Variants in SLC25A12 observed in about 807,000 individuals in gnomAD.
SLC25A12 encodes solute carrier family 25 member 12, also known as electrogenic aspartate/glutamate antiporter SLC25A12, mitochondrial.
In SLC25A12, 32 loss-of-function variants were observed where a neutral mutation model predicts 83.3. The observed-to-expected ratio is 0.38, with a 90% CI of 0.29 to 0.52. The LOEUF (loss-of-function observed/expected upper bound fraction) is 0.52, where lower values mean the gene tolerates loss of function less well. Ranked by LOEUF, SLC25A12 falls within the 20% of genes least tolerant of loss-of-function variation. The probability of loss-of-function intolerance (pLI) is 0.84; values close to 1 mark genes in which losing one functional copy is unlikely to be tolerated. For synonymous variants in SLC25A12, 267 were observed against 291.1 expected, an observed-to-expected ratio of 0.92 and a Z score of 0.84; for missense variants, 611 against 835.6, an observed-to-expected ratio of 0.73 and a Z score of 3.31.
intron 2 of SLC25A12, among the ~76,000 whole-genome samples, chr2:171,890,532 A>G (rs1279399751): frequency 6.6e-6 from 1 of 151,774 alleles, no homozygotes; most frequent in Non-Finnish European, 1.5e-5. Flanking sequence ...GCCAGGCTGG[A>G]GTGCAGTGGT....
intron 13 of SLC25A12, among the ~76,000 whole-genome samples, chr2:171,803,978 A>T (rs1037255326): frequency 1.3e-5 from 2 of 152,084 alleles, no homozygotes; most frequent in Non-Finnish European, 2.9e-5. Flanking sequence ...CACCAATTCC[A>T]CTCATACGTA....
At chr2:171,785,709 A>G (rs539318879) in intron 17 of SLC25A12, among the ~76,000 whole-genome samples, 1 of 152,296 alleles carries the variant, frequency 6.6e-6, no homozygotes, top group African/African-American at 2.4e-5. Context: ...CAATGCTTGC[A>G]TACATATATA....
chr2:171,791,424 T>C, intron 15 of SLC25A12, 27 bp downstream of exon 15: 1 of 1,598,594 alleles, frequency 6.3e-7, no homozygotes, highest in Non-Finnish European at 8.6e-7. Context: ...GGAGAATTCT[T>C]TCAGTTAAAA....
At chr2:171,839,891 C>A (rs904227674) in intron 5 of SLC25A12, among the ~76,000 whole-genome samples, 4 of 152,100 alleles carry the variant, frequency 2.6e-5, no homozygotes, top group African/African-American at 9.7e-5. Context: ...CAGTTAGTTA[C>A]CCCTGCCTTA....
chr2:171,834,393 C>T, intron 7 of SLC25A12: 1 of 427,256 alleles, frequency 2.3e-6, no homozygotes, highest in African/African-American at 2.0e-5. Flanking sequence ...TCATTCAAAA[C>T]ATCCTAATAC....
rs535950753 is a variant in SLC25A12 at position 171,884,793 on chromosome 2, G to C, written c.66+8412C>G. Among the ~76,000 whole-genome samples the C allele has an allele frequency of 2.7e-5, 4 of 150,860 alleles. No individual in the cohort carries two copies. The East Asian group carries it at 7.9e-4, about 30-fold the overall frequency. ...TCTGTCCCCCACCAAAAAAAAAAAA[G>C]AATGTGAGGTTCTACCTTCACTGAG... is the stretch of plus-strand genomic sequence containing the variant. On this transcript the variant is annotated intron_variant, in intron 2 of 17. Transcript: ENST00000422440.
chr2:171,875,094 G>C (rs983302820), intron 2 of SLC25A12, among the ~76,000 whole-genome samples: 2 of 152,188 alleles, frequency 1.3e-5, no homozygotes, highest in African/African-American at 4.8e-5. Flanking sequence ...CAACCAATCA[G>C]ATGTTTGTAC....
chr2:171,848,415 AG>A (rs1684844684), intron 4 of SLC25A12: 1 of 381,418 alleles, frequency 2.6e-6, no homozygotes, highest in South Asian at 1.9e-5. Flanking sequence ...TCTTATTGTC[AG>A]GGGGAAAAGT....
chr2:171,893,020 G>A (rs904553826), intron 2 of SLC25A12, among the ~76,000 whole-genome samples, 185 bp downstream of exon 2: 2 of 151,030 alleles, frequency 1.3e-5, no homozygotes, highest in African/African-American at 2.4e-5. Flanking sequence ...ACCTTTTATC[G>A]ACCCTTAATT....
intron 11 of SLC25A12, 59 bp from the exon 12 acceptor site, chr2:171,810,335 C>T: frequency 7.4e-7 from 1 of 1,349,100 alleles, no homozygotes; most frequent in Non-Finnish European, 1.1e-6. Flanking sequence ...ATACACAAGC[C>T]CAGCAACAAA....
At chr2:171,884,980 G>A (rs923064783) in intron 2 of SLC25A12, among the ~76,000 whole-genome samples, 5 of 152,106 alleles carry the variant, frequency 3.3e-5, no homozygotes, top group Admixed American at 2.0e-4. Flanking sequence ...TTGGGAGGCC[G>A]AGGAGGGTGG....
chr2:171,813,603 G>T, intron 10 of SLC25A12, 106 bp from the exon 11 acceptor site: 3 of 1,197,766 alleles, frequency 2.5e-6, no homozygotes, highest in Non-Finnish European at 3.7e-6. Flanking sequence ...AACACAACAT[G>T]TATTCTCACA....
chr2:171,834,358 T>C (rs1302438126), intron 7 of SLC25A12: 2 of 426,978 alleles, frequency 4.7e-6, no homozygotes, highest in African/African-American at 2.0e-5. Context: ...AGAGTTATAA[T>C]ACAAAAAAAG....
At chr2:171,793,802 C>A (rs1171798406) in intron 13 of SLC25A12, 35 bp from the exon 14 acceptor site, 1 of 1,613,666 alleles carries the variant, frequency 6.2e-7, no homozygotes, top group Non-Finnish European at 8.5e-7. Flanking sequence ...GCAGATTCCA[C>A]ATCAGAGCCC....
intron 2 of SLC25A12, among the ~76,000 whole-genome samples, chr2:171,879,730 G>A (rs559305864): frequency 3.3e-5 from 5 of 152,262 alleles, no homozygotes; most frequent in East Asian, 3.9e-4. Flanking sequence ...AAATCATGTC[G>A]CTTTGACAAT....
chr2:171,866,533 G>A (rs1573994213), intron 3 of SLC25A12, among the ~76,000 whole-genome samples: 1 of 144,660 alleles, frequency 6.9e-6, no homozygotes, highest in East Asian at 2.2e-4. Context: ...CAGTAGGGGC[G>A]GCCGGGCAGA....
At chr2:171,825,985 T>A (rs1558921102) in intron 9 of SLC25A12, among the ~76,000 whole-genome samples, 1 of 152,204 alleles carries the variant, frequency 6.6e-6, no homozygotes. Context: ...AAACCAAAAG[T>A]AATATTTATC....
At chr2:171,862,329 C>T (rs1483247143) in intron 3 of SLC25A12, among the ~76,000 whole-genome samples, 1 of 152,216 alleles carries the variant, frequency 6.6e-6, no homozygotes, top group Non-Finnish European at 1.5e-5. Context: ...GCATTAAATG[C>T]ATAAAATCAT....
chr2:171,787,957 G>C lies in SLC25A12; in HGVS notation c.1586-10C>G. On this transcript the variant is annotated splice_polypyrimidine_tract_variant and intron_variant, in intron 15 of 17. Transcript: ENST00000422440. Reference sequence around the variant, plus strand: ...GATGCAGCTGGGACACCTTTCAGGAGAAAACCACATTTAATTTATCTAGAG... The same window carrying C: ...GATGCAGCTGGGACACCTTTCAGGACAAAACCACATTTAATTTATCTAGAG... 1 of 1,614,076 alleles carries C rather than the reference G, an allele frequency of 6.2e-7. No homozygotes were observed. Among genetic ancestry groups the C allele is most frequent in the East Asian group, 2.2e-5 (1 of 44,892 alleles).
Sources: allele counts gnomAD v4.1 joint callset (sites outside exome capture counted in the v4.1 genomes callset), GRCh38; gene constraint gnomAD v4.1.1; transcripts MANE v1.5; gene names NCBI Gene and HGNC (gene_info 2026-07-23, HGNC 2026-07-21).